The following ZNF804A variants were observed in gnomAD, a reference collection of about 807,000 sequenced individuals.
ZNF804A encodes zinc finger protein 804A.
ZNF804A carries 2 observed loss-of-function variants against 16.5 expected under a neutral mutation model. The observed-to-expected ratio is 0.12, with a 90% CI of 0.05 to 0.38. The LOEUF (loss-of-function observed/expected upper bound fraction) is 0.38, where lower values mean the gene tolerates loss of function less well. ZNF804A is among the 10% of genes least tolerant of loss of function. The pLI is 0.99. For missense variants in ZNF804A, 1,473 were observed against 1,390.7 expected (o/e 1.06, Z -0.94); for synonymous variants, 534 against 489.6 (o/e 1.09, Z -1.20).
intron 1 of ZNF804A, among the ~76,000 whole-genome samples, chr2:184,668,098 G>A (rs1205550011): frequency 6.6e-6 from 1 of 151,392 alleles, no homozygotes; most frequent in Admixed American, 6.6e-5. Context: ...AGATCAATTA[G>A]GACAGCTATA....
chr2:184,860,317 G>A (rs1177189087), intron 1 of ZNF804A, among the ~76,000 whole-genome samples: 2 of 152,188 alleles, frequency 1.3e-5, no homozygotes, highest in African/African-American at 4.8e-5. Context: ...AACAAAAGAA[G>A]TCTTGGGGCC....
chr2:184,916,235 C>G (rs551594937), intron 2 of ZNF804A, among the ~76,000 whole-genome samples: 21 of 152,200 alleles, frequency 1.4e-4, no homozygotes, highest in African/African-American at 5.1e-4. Context: ...TATATTAACT[C>G]ACTAAGAAGA....
At chr2:184,678,075 TA>T (rs564899982) in intron 1 of ZNF804A, among the ~76,000 whole-genome samples, 152 of 152,184 alleles carry the variant, frequency 1.0e-3, no homozygotes, top group Non-Finnish European at 1.7e-3. Flanking sequence ...ATTAATTAGT[TA>T]GTGAATTAAT....
intron 1 of ZNF804A, among the ~76,000 whole-genome samples, chr2:184,636,182 G>A (rs1691692638): frequency 6.6e-6 from 1 of 151,764 alleles, no homozygotes; most frequent in Admixed American, 6.6e-5. Context: ...AGAAAAGACT[G>A]AAAAATTATG....
At chr2:184,665,505 T>C (rs1411970949) in intron 1 of ZNF804A, among the ~76,000 whole-genome samples, 1 of 152,206 alleles carries the variant, frequency 6.6e-6, no homozygotes, top group African/African-American at 2.4e-5. Flanking sequence ...AACAAAATAC[T>C]ACACATTTAA....
intron 1 of ZNF804A, among the ~76,000 whole-genome samples, chr2:184,696,818 G>A (rs1692838273): frequency 6.6e-6 from 1 of 151,658 alleles, no homozygotes; most frequent in Non-Finnish European, 1.5e-5. Context: ...TAATCAAATG[G>A]GTTATATAAA....
intron 1 of ZNF804A, among the ~76,000 whole-genome samples, chr2:184,685,440 G>C (rs1314879091): frequency 6.6e-6 from 1 of 152,082 alleles, no homozygotes; most frequent in Non-Finnish European, 1.5e-5. Context: ...AGCTCTGTTT[G>C]TGTTACAGCT....
At chr2:184,894,256 C>T (rs1481283434) in intron 2 of ZNF804A, among the ~76,000 whole-genome samples, 2 of 152,106 alleles carry the variant, frequency 1.3e-5, no homozygotes, top group Non-Finnish European at 2.9e-5. Flanking sequence ...TGCCAACCCA[C>T]ATGCCATTAA....
intron 2 of ZNF804A, among the ~76,000 whole-genome samples, chr2:184,916,743 G>A (rs1178780479): frequency 6.6e-6 from 1 of 152,026 alleles, no homozygotes; most frequent in Non-Finnish European, 1.5e-5. Context: ...AGCTACTTGG[G>A]AGGCTGAGGC....
chr2:184,801,728 A>G (rs2105782966), intron 1 of ZNF804A, among the ~76,000 whole-genome samples: 1 of 152,340 alleles, frequency 6.6e-6, no homozygotes, highest in Middle Eastern at 3.4e-3. Flanking sequence ...TAACAACGTA[A>G]CAGCTATTTT....
At chr2:184,853,323 T>G (rs553751519) in intron 1 of ZNF804A, among the ~76,000 whole-genome samples, 1 of 152,076 alleles carries the variant, frequency 6.6e-6, no homozygotes, top group African/African-American at 2.4e-5. Flanking sequence ...CTAACAGAAC[T>G]TTGGTGGAAT....
At chr2:184,716,801 A>T (rs1169767418) in intron 1 of ZNF804A, among the ~76,000 whole-genome samples, 1 of 152,224 alleles carries the variant, frequency 6.6e-6, no homozygotes, top group Non-Finnish European at 1.5e-5. Context: ...GTGTACACGC[A>T]ACTGAGTTTG....
At chr2:184,621,000 A>T (rs1462246662) in intron 1 of ZNF804A, among the ~76,000 whole-genome samples, 3 of 151,762 alleles carry the variant, frequency 2.0e-5, no homozygotes, top group East Asian at 1.9e-4. Context: ...TAATTAATAG[A>T]TGATAACTAG....
intron 1 of ZNF804A, among the ~76,000 whole-genome samples, chr2:184,692,024 G>GT (rs1328892913): frequency 6.6e-6 from 1 of 152,150 alleles, no homozygotes; most frequent in Non-Finnish European, 1.5e-5. Context: ...AAGTTTAACT[G>GT]TATAGCCTAC....
chr2:184,829,007 G>A (rs1260578871), intron 1 of ZNF804A, among the ~76,000 whole-genome samples: 1 of 151,654 alleles, frequency 6.6e-6, no homozygotes, highest in Non-Finnish European at 1.5e-5. Flanking sequence ...TTTTTTGTTA[G>A]TATGTTTTTT....
intron 1 of ZNF804A, among the ~76,000 whole-genome samples, chr2:184,811,259 C>T (rs1019429720): frequency 6.6e-6 from 1 of 152,190 alleles, no homozygotes; most frequent in African/African-American, 2.4e-5. Context: ...AGCTGTAGTG[C>T]ATACCGATGG....
chr2:184,931,400 C>T (rs1685699250), intron 2 of ZNF804A, among the ~76,000 whole-genome samples: 1 of 152,210 alleles, frequency 6.6e-6, no homozygotes, highest in South Asian at 2.1e-4. Context: ...GCAGAGGTTC[C>T]CAAACTTTGA....
intron 1 of ZNF804A, among the ~76,000 whole-genome samples, chr2:184,856,949 A>G (rs1391451615): frequency 3.9e-5 from 6 of 152,000 alleles, no homozygotes; most frequent in Non-Finnish European, 8.8e-5. Flanking sequence ...ATGTATGTTT[A>G]TTGTTTTTCT....
At chr2:184,662,082 G>A (rs1692183564) in intron 1 of ZNF804A, among the ~76,000 whole-genome samples, 1 of 152,168 alleles carries the variant, frequency 6.6e-6, no homozygotes. Context: ...AGTCTCAAGT[G>A]TTTTAATGAC....
Sources: allele counts gnomAD v4.1 joint callset (sites outside exome capture counted in the v4.1 genomes callset), GRCh38; gene constraint gnomAD v4.1.1; transcripts MANE v1.5; gene names NCBI Gene and HGNC (gene_info 2026-07-23, HGNC 2026-07-21).